The following RBFOX1 variants were observed in gnomAD, a reference collection of about 807,000 sequenced individuals.
The protein encoded by RBFOX1 is RNA binding protein fox-1 homolog 1.
RBFOX1 carries 8 observed loss-of-function variants against 57.7 expected under a neutral mutation model. That is an observed-to-expected ratio of 0.14 (90% CI 0.08 to 0.25). The LOEUF is 0.25. Ranked by LOEUF, RBFOX1 falls within the 10% of genes least tolerant of loss-of-function variation. The pLI is 1.00. For synonymous variants in RBFOX1, 326 were observed against 222.4 expected, an observed-to-expected ratio of 1.47 and a Z score of -4.15; for missense variants, 611 against 548.5, an observed-to-expected ratio of 1.11 and a Z score of -1.14.
intron 3 of RBFOX1, among the ~76,000 whole-genome samples, chr16:6,676,967 T>G (rs1254690330): frequency 6.6e-6 from 1 of 152,100 alleles, no homozygotes; most frequent in African/African-American, 2.4e-5. Flanking sequence ...TGAGCCACCA[T>G]GCCCAGCCGT....
intron 3 of RBFOX1, among the ~76,000 whole-genome samples, chr16:6,698,331 G>C (rs923393295): frequency 6.6e-6 from 1 of 152,256 alleles, no homozygotes; most frequent in East Asian, 1.9e-4. Context: ...ATGAGGATGT[G>C]GGAAAGTCTG....
chr16:7,561,377 G>A (rs577452842), intron 5 of RBFOX1, among the ~76,000 whole-genome samples: 1 of 152,306 alleles, frequency 6.6e-6, no homozygotes, highest in East Asian at 1.9e-4. Context: ...CAAGTAGAAA[G>A]GAGATGCAGG....
At chr16:7,677,132 T>TACACATAC (rs71394335) in intron 14 of RBFOX1, among the ~76,000 whole-genome samples, 4 of 137,862 alleles carry the variant, frequency 2.9e-5, no homozygotes, top group Non-Finnish European at 6.3e-5. Flanking sequence ...CACATACACA[T>TACACATAC]ACACACACAC....
intron 3 of RBFOX1, among the ~76,000 whole-genome samples, chr16:7,051,258 C>A (rs555222145): frequency 6.6e-6 from 1 of 152,186 alleles, no homozygotes; most frequent in Non-Finnish European, 1.5e-5. Context: ...AAAATTCCTT[C>A]TATGTGTTCC....
chr16:6,756,630 T>A (rs2075827223), intron 3 of RBFOX1, among the ~76,000 whole-genome samples: 1 of 152,028 alleles, frequency 6.6e-6, no homozygotes, highest in Admixed American at 6.6e-5. Flanking sequence ...ATAATAATAA[T>A]AATCCCATTT....
intron 4 of RBFOX1, among the ~76,000 whole-genome samples, chr16:7,116,876 A>C (rs777779833): frequency 2.0e-5 from 3 of 152,144 alleles, no homozygotes; most frequent in Non-Finnish European, 4.4e-5. Context: ...AGTCATCAAC[A>C]CAAGATTTAA....
intron 3 of RBFOX1, among the ~76,000 whole-genome samples, chr16:5,814,628 A>G (rs969606863): frequency 6.6e-6 from 1 of 152,196 alleles, no homozygotes; most frequent in African/African-American, 2.4e-5. Flanking sequence ...CCACCTGGCC[A>G]TTTAAAAATT....
At chr16:5,820,503 A>T (rs778765335) in intron 3 of RBFOX1, among the ~76,000 whole-genome samples, 48 of 152,284 alleles carry the variant, frequency 3.2e-4, no homozygotes, top group Admixed American at 9.1e-4. Context: ...GTTTCTAGCC[A>T]CAAGGGAGGG....
intron 4 of RBFOX1, among the ~76,000 whole-genome samples, chr16:7,203,863 A>G (rs1367826114): frequency 6.6e-6 from 1 of 152,246 alleles, no homozygotes; most frequent in Non-Finnish European, 1.5e-5. Context: ...AAGTTTGTCC[A>G]GAGAGCCAGT....
chr16:6,283,088 A>T (rs2076561702), intron 1 of RBFOX1, among the ~76,000 whole-genome samples: 3 of 152,186 alleles, frequency 2.0e-5, no homozygotes, highest in Admixed American at 6.5e-5. Flanking sequence ...GCCCTTGGGG[A>T]GGCCAAGGCA....
At chr16:6,244,330 C>G (rs139474824) in intron 1 of RBFOX1, among the ~76,000 whole-genome samples, 1 of 152,184 alleles carries the variant, frequency 6.6e-6, no homozygotes, top group South Asian at 2.1e-4. Context: ...CTCAACCCAG[C>G]CTTCAAATCT....
intron 3 of RBFOX1, among the ~76,000 whole-genome samples, chr16:6,933,753 T>G (rs1019462529): frequency 2.6e-5 from 4 of 152,060 alleles, no homozygotes; most frequent in African/African-American, 9.6e-5. Context: ...TAAAAGGGAG[T>G]GGGGAAGAAG....
intron 1 of RBFOX1, among the ~76,000 whole-genome samples, chr16:5,346,161 G>A (rs890193695): frequency 2.6e-5 from 4 of 152,170 alleles, no homozygotes; most frequent in African/African-American, 9.7e-5. Context: ...GGCTCTGGAG[G>A]CAGAGGGGAG....
At chr16:6,296,641 C>T (rs760251075) in intron 1 of RBFOX1, among the ~76,000 whole-genome samples, 7 of 152,092 alleles carry the variant, frequency 4.6e-5, no homozygotes, top group Non-Finnish European at 7.4e-5. Context: ...GGGATGGTCT[C>T]GATCTCCTGA....
chr16:5,575,055 T>G (rs930340944), intron 2 of RBFOX1, among the ~76,000 whole-genome samples: 7 of 152,192 alleles, frequency 4.6e-5, no homozygotes, highest in Admixed American at 2.0e-4. Flanking sequence ...GCCATTCACC[T>G]TGTGATATAA....
chr16:5,586,288 G>A (rs1232723692), intron 2 of RBFOX1, among the ~76,000 whole-genome samples: 2 of 152,148 alleles, frequency 1.3e-5, no homozygotes, highest in East Asian at 1.9e-4. Flanking sequence ...AGACCACTCA[G>A]TTGGTGGCAA....
chr16:5,890,102 G>A (rs973430274), intron 4 of RBFOX1, among the ~76,000 whole-genome samples: 2 of 152,162 alleles, frequency 1.3e-5, no homozygotes, highest in Non-Finnish European at 2.9e-5. Flanking sequence ...TGGGTAAACT[G>A]TACTCTTTGC....
chr16:7,514,319 C>A (rs1010272767), intron 4 of RBFOX1, among the ~76,000 whole-genome samples: 1 of 152,222 alleles, frequency 6.6e-6, no homozygotes, highest in Non-Finnish European at 1.5e-5. Context: ...CATCCCCCTA[C>A]CCTATCTCCT....
chr16:6,612,863 A>AAAAATAAT (rs59339311), intron 2 of RBFOX1, among the ~76,000 whole-genome samples: 126 of 132,236 alleles, frequency 9.5e-4, no homozygotes, highest in African/African-American at 3.5e-3. Context: ...AAAAAAAAAA[A>AAAAATAAT]AATAATAATA....
Sources: allele counts gnomAD v4.1 joint callset (sites outside exome capture counted in the v4.1 genomes callset), GRCh38; gene constraint gnomAD v4.1.1; transcripts MANE v1.5; gene names NCBI Gene and HGNC (gene_info 2026-07-23, HGNC 2026-07-21).